STK33: variants seen among roughly 807,000 people sequenced by gnomAD.
The protein encoded by STK33 is serine/threonine kinase 33, also known as serine/threonine-protein kinase 33.
In STK33, 52 loss-of-function variants were observed where a neutral mutation model predicts 58.0. The ratio of observed to expected loss-of-function variants is 0.90; its 90% CI spans 0.72 to 1.13. STK33 has a LOEUF of 1.13. STK33 is among the 50% of genes most tolerant of loss of function. The pLI, the probability that STK33 is intolerant of heterozygous loss-of-function variation, is 0.00. For missense variants in STK33, 630 were observed against 604.2 expected (o/e 1.04, Z -0.45); for synonymous variants, 215 against 200.1 (o/e 1.07, Z -0.63).
intron 1 of STK33, among the ~76,000 whole-genome samples, chr11:8,512,399 G>A (rs188407053): frequency 4.3e-3 from 658 of 152,088 alleles, no homozygotes; most frequent in Middle Eastern, 6.8e-3. Flanking sequence ...ACAGATAAAC[G>A]AAGTATACAA....
At position 8,428,930 on chromosome 11, in the gene STK33, C is replaced by T. The variant is rs1943090547; in HGVS notation, c.1146+6564G>A. 7.9e-5 allele frequency among the ~76,000 whole-genome samples: 12 copies of T among 151,508 alleles called. No homozygotes were observed. In the South Asian group the frequency reaches 2.3e-3, roughly 29 times the overall value. On this transcript the variant is annotated intron_variant, in intron 14 of 15. Coordinates refer to ENST00000687296, the MANE Select transcript of STK33 (RefSeq NM_001352389.2). ...AAATAATTTTTAGAAATTATAGAGC[C>T]TTAGAGTCCCAGGAAATAAAAAAAA... is the stretch of plus-strand genomic sequence containing the variant.
intron 9 of STK33, among the ~76,000 whole-genome samples, chr11:8,456,412 A>G (rs1265736618): frequency 1.3e-5 from 2 of 152,236 alleles, no homozygotes; most frequent in African/African-American, 4.8e-5. Context: ...CTTGTTTTCA[A>G]TAATCAATCT....
intron 1 of STK33, among the ~76,000 whole-genome samples, chr11:8,532,775 C>T (rs576243687): frequency 6.6e-6 from 1 of 152,288 alleles, no homozygotes; most frequent in East Asian, 1.9e-4. Context: ...TGTGTGTTTG[C>T]TAACCCTGAT....
chr11:8,450,665 C>T (rs1290293625), intron 11 of STK33, among the ~76,000 whole-genome samples: 1 of 151,442 alleles, frequency 6.6e-6, no homozygotes, highest in East Asian at 1.9e-4. Flanking sequence ...TAAATGAGGC[C>T]AGCATAACCC....
chr11:8,396,243 G>A (rs1345914964), intron 15 of STK33, among the ~76,000 whole-genome samples: 1 of 152,090 alleles, frequency 6.6e-6, no homozygotes. Flanking sequence ...AGTTGGGATT[G>A]CAGGTACACA....
chr11:8,356,905 A>G, the STK33 span, among the ~76,000 whole-genome samples: 1 of 152,146 alleles, frequency 6.6e-6, no homozygotes, highest in Non-Finnish European at 1.5e-5. Flanking sequence ...ACTGTGCAAG[A>G]GAGACAGGAG....
At chr11:8,335,925 C>T in the STK33 span, among the ~76,000 whole-genome samples, 1 of 152,232 alleles carries the variant, frequency 6.6e-6, no homozygotes, top group South Asian at 2.1e-4. Flanking sequence ...CTATTGTACT[C>T]TACAGCACAG....
intron 1 of STK33, among the ~76,000 whole-genome samples, chr11:8,494,670 G>T (rs1263038077): frequency 1.3e-5 from 2 of 152,156 alleles, no homozygotes; most frequent in Non-Finnish European, 2.9e-5. Flanking sequence ...AAAGCTGGAG[G>T]CATCACACTA....
the STK33 span, among the ~76,000 whole-genome samples, chr11:8,354,339 A>T: frequency 2.0e-5 from 3 of 151,936 alleles, no homozygotes; most frequent in Non-Finnish European, 4.4e-5. Flanking sequence ...CTATTTCCCC[A>T]GATAAAATAT....
At chr11:8,486,093 A>G (rs1241908283) in intron 1 of STK33, among the ~76,000 whole-genome samples, 3 of 152,146 alleles carry the variant, frequency 2.0e-5, no homozygotes, top group African/African-American at 7.2e-5. Flanking sequence ...CTAACTGGTC[A>G]ACCTGACTCC....
intron 14 of STK33, among the ~76,000 whole-genome samples, chr11:8,418,461 G>A (rs998404116): frequency 6.6e-6 from 1 of 152,038 alleles, no homozygotes; most frequent in Non-Finnish European, 1.5e-5. Context: ...TGGTGTATAT[G>A]TACATTTTCT....
chr11:8,439,869 T>TTTTATATATATATATATATA (rs1554930118), intron 12 of STK33, among the ~76,000 whole-genome samples: 2 of 107,274 alleles, frequency 1.9e-5, no homozygotes, highest in Admixed American at 1.0e-4. Flanking sequence ...TATATTATAA[T>TTTTATATATATATATATATA]TATATATATA....
chr11:8,374,813 C>T, the STK33 span, among the ~76,000 whole-genome samples: 1 of 152,172 alleles, frequency 6.6e-6, no homozygotes, highest in Non-Finnish European at 1.5e-5. Flanking sequence ...GTTCTTTTCT[C>T]CCTGTTCACC....
chr11:8,350,011 C>G, the STK33 span, among the ~76,000 whole-genome samples: 3 of 152,406 alleles, frequency 2.0e-5, no homozygotes, highest in Admixed American at 6.5e-5. Context: ...TCAGCTGTTT[C>G]TGGAGAGCCT....
chr11:8,472,260 G>T (rs1948848280), intron 6 of STK33, among the ~76,000 whole-genome samples: 2 of 152,000 alleles, frequency 1.3e-5, no homozygotes, highest in Admixed American at 6.6e-5. Flanking sequence ...GTAAACTTGT[G>T]TGTGTGTGTG....
At chr11:8,492,977 T>C (rs1950748138) in intron 1 of STK33, among the ~76,000 whole-genome samples, 1 of 152,154 alleles carries the variant, frequency 6.6e-6, no homozygotes, top group African/African-American at 2.4e-5. Context: ...TAGCACTAAA[T>C]GCCCACAAGA....
chr11:8,461,991 C>T, intron 7 of STK33, 82 bp from the exon 8 acceptor site: 1 of 1,105,764 alleles, frequency 9.0e-7, no homozygotes, highest in African/African-American at 1.6e-5. Context: ...TTATGTTTTC[C>T]TACTTTTTTT....
chr11:8,347,143 C>T, the STK33 span, among the ~76,000 whole-genome samples: 2 of 151,252 alleles, frequency 1.3e-5, no homozygotes, highest in African/African-American at 2.5e-5. Context: ...AGGACTGTTT[C>T]TCTCCCCTTT....
chr11:8,436,845 G>A (rs761770540), intron 12 of STK33, among the ~76,000 whole-genome samples: 7 of 152,000 alleles, frequency 4.6e-5, no homozygotes, highest in African/African-American at 1.4e-4. Flanking sequence ...TTACAGGCAC[G>A]CACCACCTCA....
Sources: gnomAD v4.1 joint callset for allele counts (sites outside exome capture counted in the v4.1 genomes callset) on GRCh38, gnomAD v4.1.1 for gene constraint, MANE v1.5 for transcripts, NCBI Gene and HGNC (gene_info 2026-07-23, HGNC 2026-07-21) for gene names.